Variants in NCK1 observed in about 807,000 individuals in gnomAD.
The protein encoded by NCK1 is NCK adaptor protein 1.
A neutral mutation model predicts 36.6 loss-of-function variants in NCK1; 19 were observed. That is an observed-to-expected ratio of 0.52 (90% confidence interval 0.36 to 0.76). NCK1 has a LOEUF of 0.76. Ranked by LOEUF, NCK1 falls within the 30% of genes least tolerant of loss-of-function variation. The probability of loss-of-function intolerance (pLI) is 0.00; values close to 1 mark genes in which losing one functional copy is unlikely to be tolerated. For missense variants in NCK1, 358 were observed against 445.6 expected, an observed-to-expected ratio of 0.80 and a Z score of 1.77; for synonymous variants, 165 against 156.0, an observed-to-expected ratio of 1.06 and a Z score of -0.43.
intron 1 of NCK1, among the ~76,000 whole-genome samples, chr3:136,924,698 G>C (rs576609891): frequency 2.0e-5 from 3 of 152,198 alleles, no homozygotes; most frequent in Non-Finnish European, 4.4e-5. Context: ...AACATTGTGA[G>C]TAGAGGTTCT....
rs1405525295 is a variant in NCK1, at chr3:136,880,157, C to T, written c.-19+17804C>T. Among the ~76,000 whole-genome samples, 13 of 151,598 alleles carry T rather than the reference C, an allele frequency of 8.6e-5. No homozygotes were observed. The South Asian group carries it at 1.0e-3, about 12-fold the overall frequency. On this transcript the variant is annotated intron_variant, in intron 1 of 3. Transcript: ENST00000481752. ...AAAATTAGCCGGGTGTGGTGGTGGG[C>T]GCCTGTAGTCCCAGCTAGTTAGGAG...
In NCK1 at chr3:136,899,023, T is replaced by G. The variant is rs141704854; in HGVS notation, c.-18-28961T>G. 407 of 164,306 alleles carry G rather than the reference T, an allele frequency of 2.5e-3. 2 individuals are homozygous for G. The highest frequency in any genetic ancestry group is 9.3e-3 in the African/African-American group (391 of 42,058). 10.2% of individuals were successfully genotyped at this position (164,306 alleles called of 1,614,324 possible). A position where few individuals can be genotyped will look rare whatever the true frequency, so the allele number is the denominator to read the frequency against. The stretch of plus-strand genomic sequence containing the variant: ...CACAAATCAAATATAAACACCCTTG[T>G]AAAGCTGTGCTTCTTTCAGCCAAAC... On this transcript the variant is annotated intron_variant, in intron 1 of 3. Transcript: ENST00000481752.
Position 136,926,490 on chromosome 3 carries a change from T to C in NCK1, c.-18-1494T>C, listed in dbSNP as rs532237621. Among the ~76,000 whole-genome samples the C allele has an allele frequency of 1.6e-4, 24 of 152,188 alleles. No individual in the cohort carries two copies. In the South Asian group the frequency reaches 1.7e-3, roughly 11 times the overall value. On this transcript the variant is annotated intron_variant, in intron 1 of 3. Transcript: ENST00000481752. The stretch of plus-strand genomic sequence containing the variant: ...CAGGGTTTTACCGTGTTAGCCAGGA[T>C]GGTCTCGATCTCCTGAACTTGTGAT...
intron 1 of NCK1, among the ~76,000 whole-genome samples, chr3:136,901,234 C>T (rs181357929): frequency 4.1e-4 from 60 of 147,846 alleles, no homozygotes; most frequent in Non-Finnish European, 1.3e-4. Context: ...CCATCCTTGC[C>T]TCTCTGGGAT....
rs1211755026 is a variant in NCK1, at chr3:136,948,371, A to C, written c.1052A>C (p.Glu351Ala). ...CAGCGTAAATTCAGCACCATGGAAG[A>C]ACTTGTAGAACATTACAAAAAGGCA... ...IGQRKFSTMEELVEHYKKAPI... is the reference protein window; with the variant it reads ...IGQRKFSTMEALVEHYKKAPI... The change falls in exon 4 of 4, where the codon GAA becomes GCA. Residue 351 changes from glutamate (E) to alanine (A), a missense_variant. Physicochemically the swap from Glu to Ala is moderately radical, Grantham distance 107 (BLOSUM62 -1). Around this residue, in one of 3 missense-constraint regions of NCK1, gnomAD observed 207 missense variants for 253.4 expected, o/e 0.82. Transcript: ENST00000481752. 1 of 1,613,280 alleles carries C rather than the reference A, an allele frequency of 6.2e-7. No homozygotes were observed. Among genetic ancestry groups the C allele is most frequent in the South Asian group, 1.1e-5 (1 of 91,002 alleles).
chr3:136,901,071 A>C (rs1939529086), intron 1 of NCK1, among the ~76,000 whole-genome samples: 1 of 152,068 alleles, frequency 6.6e-6, no homozygotes, highest in African/African-American at 2.4e-5. Flanking sequence ...GTTATGTTGA[A>C]GTATGTTTCT....
rs548630319 is a variant in NCK1 at position 136,899,132 on chromosome 3, G to C, written c.-18-28852G>C. ...GCTGATCTGGACAAGCCACAGCAGA[G>C]ACTCTGATTTGGAGACTTCATGGAC... On this transcript the variant is annotated intron_variant, in intron 1 of 3. Coordinates refer to ENST00000481752, the MANE Select transcript of NCK1 (RefSeq NM_001291999.2). 1.3e-4 allele frequency: 25 copies of C among 197,340 alleles called. No homozygotes were observed. In the South Asian group the frequency reaches 2.6e-3, roughly 21 times the overall value. 12.2% of individuals were successfully genotyped at this position (197,340 alleles called of 1,614,324 possible). A position where few individuals can be genotyped will look rare whatever the true frequency, so the allele number is the denominator to read the frequency against.
intron 1 of NCK1, among the ~76,000 whole-genome samples, chr3:136,897,374 G>A (rs1939417857): frequency 6.6e-6 from 1 of 152,154 alleles, no homozygotes. Context: ...TTACAGACAT[G>A]AGCTACCACA....
At chr3:136,875,891 A>G (rs1253814495) in intron 1 of NCK1, among the ~76,000 whole-genome samples, 5 of 151,758 alleles carry the variant, frequency 3.3e-5, no homozygotes, top group Non-Finnish European at 5.9e-5. Context: ...AAAATTGACC[A>G]CATAGTTGGA....
intron 1 of NCK1, among the ~76,000 whole-genome samples, chr3:136,864,962 TTTG>T (rs1230066785): frequency 1.3e-5 from 2 of 149,712 alleles, no homozygotes; most frequent in Non-Finnish European, 3.0e-5. Flanking sequence ...TTTTCTTTTG[TTTG>T]TTTTTTTTTT....
chr3:136,893,894 G>A (rs1006320548), intron 1 of NCK1, among the ~76,000 whole-genome samples: 13 of 152,160 alleles, frequency 8.5e-5, no homozygotes, highest in Non-Finnish European at 1.5e-4. Context: ...TGCTGGGCCA[G>A]CATTTAAGCT....
intron 3 of NCK1, chr3:136,946,907 A>G (rs1940843922): frequency 6.6e-6 from 1 of 152,246 alleles, no homozygotes; most frequent in Non-Finnish European, 1.5e-5. Context: ...GAAAAATAAT[A>G]TGGTTTCATG....
chr3:136,934,113 T>C (rs1222508609), intron 2 of NCK1, among the ~76,000 whole-genome samples: 1 of 152,010 alleles, frequency 6.6e-6, no homozygotes, highest in Non-Finnish European at 1.5e-5. Flanking sequence ...GCTTTACACA[T>C]AGACTTCTAA....
At chr3:136,884,657 T>C (rs1254148801) in intron 1 of NCK1, among the ~76,000 whole-genome samples, 1 of 152,020 alleles carries the variant, frequency 6.6e-6, no homozygotes, top group Non-Finnish European at 1.5e-5. Context: ...GCCAGGCTGG[T>C]CTTGAGGTGA....
chr3:136,914,053 A>G (rs1939896752), intron 1 of NCK1, among the ~76,000 whole-genome samples: 1 of 152,230 alleles, frequency 6.6e-6, no homozygotes, highest in African/African-American at 2.4e-5. Context: ...AAAGAGAAAA[A>G]TGAAGAAATA....
chr3:136,914,391 C>G (rs1388716059), intron 1 of NCK1, among the ~76,000 whole-genome samples: 1 of 152,070 alleles, frequency 6.6e-6, no homozygotes, highest in African/African-American at 2.4e-5. Context: ...AGAATGTGCT[C>G]CAGAGTTCCA....
At chr3:136,939,986 GA>G (rs1371993499) in intron 2 of NCK1, among the ~76,000 whole-genome samples, 1 of 151,680 alleles carries the variant, frequency 6.6e-6, no homozygotes, top group Non-Finnish European at 1.5e-5. Context: ...TGAGTAGCTG[GA>G]ACTACAGGAA....
At chr3:136,889,650 A>C (rs1276524745) in intron 1 of NCK1, among the ~76,000 whole-genome samples, 1 of 151,996 alleles carries the variant, frequency 6.6e-6, no homozygotes, top group Admixed American at 6.6e-5. Flanking sequence ...CAGGGCACTG[A>C]TTGGTGCGTT....
chr3:136,945,610 G>A lies in NCK1; in HGVS notation c.254G>A (p.Ser85Asn). ...ATTGGAAAAGTGAAAAGAAAACCTA[G>A]TGTGCCAGATTCTGCATCTCCTGCT... is the stretch of plus-strand genomic sequence containing the variant. ...LGIGKVKRKPSVPDSASPADD... is the reference protein window; with the variant it reads ...LGIGKVKRKPNVPDSASPADD... Residue 85 changes from serine (S) to asparagine (N), a missense_variant, in exon 3 of 4, where the codon AGT becomes AAT. Physicochemically the swap from Ser to Asn is conservative, Grantham distance 46 (BLOSUM62 1). This residue lies in a region of NCK1 where 143 missense variants were observed against 162.4 expected (regional missense o/e 0.88). Coordinates refer to ENST00000481752, the MANE Select transcript of NCK1 (RefSeq NM_001291999.2). 1.9e-6 allele frequency: 3 copies of A among 1,609,374 alleles called. No individual in the cohort carries two copies. The highest frequency in any genetic ancestry group is 2.5e-6 in the Non-Finnish European group (3 of 1,177,070).
Sources: gnomAD v4.1 joint callset for allele counts (sites outside exome capture counted in the v4.1 genomes callset) on GRCh38, gnomAD v4.1.1 for gene constraint, gnomAD v4.1.1 regional missense constraint, MANE v1.5 for transcripts, NCBI Gene and HGNC (gene_info 2026-07-23, HGNC 2026-07-21) for gene names.